ASTN2: variants seen among roughly 807,000 people sequenced by gnomAD.
ASTN2 encodes the protein astrotactin-2.
Under a neutral mutation model 139.8 loss-of-function variants are expected in ASTN2, and 54 were observed. The observed-to-expected ratio is 0.39, with a 90% confidence interval of 0.31 to 0.48. The LOEUF (loss-of-function observed/expected upper bound fraction) is 0.48, where lower values mean the gene tolerates loss of function less well. Among genes scored for constraint, ASTN2 ranks in the 20% least tolerant of loss-of-function variants. ASTN2 has a pLI of 0.95. For missense variants in ASTN2, 1,565 were observed against 1,725.1 expected, an observed-to-expected ratio of 0.91 and a Z score of 1.64; for synonymous variants, 756 against 719.5, an observed-to-expected ratio of 1.05 and a Z score of -0.81.
chr9:116,663,889 C>T (rs1053164531), intron 16 of ASTN2, among the ~76,000 whole-genome samples: 4 of 152,130 alleles, frequency 2.6e-5, no homozygotes, highest in Non-Finnish European at 5.9e-5. Flanking sequence ...GATCCAAGAA[C>T]ATCTGGATTG....
intron 1 of ASTN2, among the ~76,000 whole-genome samples, chr9:117,390,935 A>G (rs969516835): frequency 6.6e-6 from 1 of 152,144 alleles, no homozygotes; most frequent in African/African-American, 2.4e-5. Context: ...CCCTAGTTAC[A>G]CTGATTTAAT....
chr9:117,109,142 C>T (rs1487669323), intron 4 of ASTN2, among the ~76,000 whole-genome samples: 3 of 148,116 alleles, frequency 2.0e-5, no homozygotes, highest in South Asian at 2.2e-4. Flanking sequence ...ATTAGCTGGG[C>T]GTGGAGATAC....
intron 1 of ASTN2, among the ~76,000 whole-genome samples, chr9:117,372,761 G>A (rs1360396195): frequency 8.6e-5 from 13 of 151,984 alleles, no homozygotes; most frequent in African/African-American, 3.1e-4. Flanking sequence ...AAACCCTTAG[G>A]GTTTGCAGCT....
intron 12 of ASTN2, among the ~76,000 whole-genome samples, chr9:116,819,440 G>A (rs1401468344): frequency 6.6e-6 from 1 of 152,062 alleles, no homozygotes; most frequent in Non-Finnish European, 1.5e-5. Flanking sequence ...TTCTACACCT[G>A]CACAAAGGCA....
chr9:117,057,992 T>C (rs1839112241), intron 5 of ASTN2, among the ~76,000 whole-genome samples: 1 of 152,194 alleles, frequency 6.6e-6, no homozygotes, highest in Non-Finnish European at 1.5e-5. Context: ...TGAAAGTATG[T>C]TGTTTTTATA....
At chr9:116,590,355 G>A (rs1457325197) in intron 19 of ASTN2, among the ~76,000 whole-genome samples, 1 of 152,252 alleles carries the variant, frequency 6.6e-6, no homozygotes, top group African/African-American at 2.4e-5. Context: ...GTTGGGCCCA[G>A]GCACTGTTGT....
intron 7 of ASTN2, among the ~76,000 whole-genome samples, chr9:116,978,550 C>G (rs1366805069): frequency 1.3e-5 from 2 of 151,380 alleles, no homozygotes; most frequent in South Asian, 4.2e-4. Flanking sequence ...ACCCTTGGAT[C>G]CTACAGTGAT....
Position 116,785,991 on chromosome 9 carries a change from C to T in ASTN2, c.2396+19641G>A, listed in dbSNP as rs1830364774. 2.6e-5 allele frequency among the ~76,000 whole-genome samples: 4 copies of T among 152,282 alleles called. No individual in the cohort carries two copies. The South Asian group carries it at 8.3e-4, about 32-fold the overall frequency. On this transcript the variant is annotated intron_variant, in intron 13 of 22. Transcript: ENST00000313400. ...CCCACAGGACCCTATACAAAATGGC[C>T]CATACTTCCCCAGTTGGTACCCATT...
At chr9:116,437,450 A>G (rs929813629) in intron 22 of ASTN2, 7 of 471,278 alleles carry the variant, frequency 1.5e-5, no homozygotes, top group Non-Finnish European at 3.1e-5. Context: ...GGAGGTTCGC[A>G]GACAGTGGCT....
chr9:116,490,450 C>T (rs775683934), intron 19 of ASTN2, among the ~76,000 whole-genome samples: 30 of 152,086 alleles, frequency 2.0e-4, no homozygotes, highest in Middle Eastern at 3.4e-3. Context: ...GGGTCCATGT[C>T]TGTCTGCTTT....
At chr9:116,754,557 C>T (rs1434541663) in intron 13 of ASTN2, among the ~76,000 whole-genome samples, 1 of 152,160 alleles carries the variant, frequency 6.6e-6, no homozygotes, top group African/African-American at 2.4e-5. Flanking sequence ...TGGAATACAG[C>T]CACATCCATT....
intron 10 of ASTN2, among the ~76,000 whole-genome samples, chr9:116,939,276 A>G (rs753809038): frequency 1.3e-5 from 2 of 152,212 alleles, no homozygotes; most frequent in Non-Finnish European, 2.9e-5. Flanking sequence ...CTATAGTAAG[A>G]TACATGGTAG....
At chr9:117,016,455 G>C (rs1281276642) in intron 6 of ASTN2, among the ~76,000 whole-genome samples, 1 of 150,304 alleles carries the variant, frequency 6.7e-6, no homozygotes, top group Non-Finnish European at 1.5e-5. Flanking sequence ...CTGGGCTAGA[G>C]CCCAGTGGGA....
intron 14 of ASTN2, 139 bp from the exon 15 acceptor site, chr9:116,729,235 A>C: frequency 1.6e-6 from 1 of 645,040 alleles, no homozygotes; most frequent in Non-Finnish European, 2.7e-6. Context: ...AATTTTATGA[A>C]CCCCACCCTC....
At chr9:117,190,676 C>A (rs1831321477) in intron 3 of ASTN2, among the ~76,000 whole-genome samples, 1 of 152,068 alleles carries the variant, frequency 6.6e-6, no homozygotes, top group Non-Finnish European at 1.5e-5. Context: ...ACCTGCTGTT[C>A]CCTCTGCCCA....
intron 5 of ASTN2, among the ~76,000 whole-genome samples, chr9:117,045,937 G>C (rs1249455453): frequency 6.6e-6 from 1 of 151,614 alleles, no homozygotes; most frequent in Non-Finnish European, 1.5e-5. Flanking sequence ...CTTAGGATGG[G>C]GAAAGAGGCT....
chr9:116,965,127 T>G (rs2183476), intron 10 of ASTN2, among the ~76,000 whole-genome samples: 148,109 of 152,324 alleles, frequency 0.97, 72,133 homozygotes, highest in East Asian at 1. Context: ...TTCCCCAGCT[T>G]AGTCTGTTTG....
chr9:116,738,652 A>C (rs1829010758), intron 13 of ASTN2, among the ~76,000 whole-genome samples: 1 of 152,200 alleles, frequency 6.6e-6, no homozygotes, highest in Admixed American at 6.5e-5. Context: ...TTTTAACCTC[A>C]TAAGAACTCT....
At chr9:116,578,704 T>C (rs1853829537) in intron 19 of ASTN2, among the ~76,000 whole-genome samples, 1 of 149,724 alleles carries the variant, frequency 6.7e-6, no homozygotes, top group Non-Finnish European at 1.5e-5. Context: ...AACAACACCA[T>C]TGTTTTTCCC....
Sources: allele counts gnomAD v4.1 joint callset (sites outside exome capture counted in the v4.1 genomes callset), GRCh38; gene constraint gnomAD v4.1.1; transcripts MANE v1.5; gene names NCBI Gene and HGNC (gene_info 2026-07-23, HGNC 2026-07-21).